Variants in GPCPD1 observed in about 807,000 individuals in gnomAD.
GPCPD1 encodes glycerophosphocholine phosphodiesterase GPCPD1.
In GPCPD1, 29 loss-of-function variants were observed where a neutral mutation model predicts 89.2. That is an observed-to-expected ratio of 0.33 (90% CI 0.24 to 0.44). The LOEUF (loss-of-function observed/expected upper bound fraction) is 0.44. GPCPD1 is among the 20% of genes least tolerant of loss of function. The pLI is 1.00. For synonymous variants in GPCPD1, 258 were observed against 266.3 expected (o/e 0.97, Z 0.30); for missense variants, 594 against 808.9 (o/e 0.73, Z 3.22).
intron 15 of GPCPD1, among the ~76,000 whole-genome samples, chr20:5,563,063 A>C (rs1012275493): frequency 1.3e-5 from 2 of 151,574 alleles, no homozygotes; most frequent in African/African-American, 4.9e-5. Context: ...GCTCACTGCA[A>C]GCTCCGCCTC....
Position 5,586,264 on chromosome 20 carries a change from GA to G in GPCPD1, c.236del (p.Ile79ThrfsTer7). 6.4e-7 allele frequency: 1 copy of G among 1,571,186 alleles called. No homozygotes were observed. On this transcript the variant is annotated frameshift_variant, in exon 5 of 20. Transcript: ENST00000379019. LOFTEE classifies it high-confidence loss of function. ...FKGYFLEPKT[I>X]GGPCQVIVHK... is the part of the protein sequence containing the mutation. ...GAACTATCACTTGACATGGACCACC[GA>G]TAGTCTGCAATTTAAAAGTTAAACG...
At chr20:5,604,240 AC>A in intron 2 of GPCPD1, 123 bp downstream of exon 2, 1 of 629,734 alleles carries the variant, frequency 1.6e-6, no homozygotes, top group Middle Eastern at 3.2e-4. Flanking sequence ...GTCAGGCAAG[AC>A]CTATAGATAT....
chr20:5,575,659 G>GAA, intron 9 of GPCPD1, 114 bp from the exon 10 acceptor site: 5 of 853,560 alleles, frequency 5.9e-6, no homozygotes, highest in Admixed American at 5.2e-5. Flanking sequence ...CTGTCAAACG[G>GAA]AAAAAAAAAC....
intron 3 of GPCPD1, among the ~76,000 whole-genome samples, chr20:5,594,837 G>A (rs1462516194): frequency 2.0e-5 from 3 of 152,166 alleles, no homozygotes; most frequent in Admixed American, 1.3e-4. Flanking sequence ...AACTTGAGTC[G>A]AGCAAGTCTA....
intron 6 of GPCPD1, among the ~76,000 whole-genome samples, chr20:5,582,219 A>AAC (rs1978583444): frequency 7.0e-6 from 1 of 142,518 alleles, no homozygotes; most frequent in African/African-American, 2.5e-5. Context: ...AAAAAAAAAA[A>AAC]CTACTACTCC....
rs1041033334 is a variant in GPCPD1, at chr20:5,564,199, G to A, written c.1329+818C>T. On this transcript the variant is annotated intron_variant, in intron 15 of 19. Transcript: ENST00000379019. ...TTTAAGTCTTCATGCTAGTTTTTGT[G>A]TGAAGATCTATTTTTTCAGAGTGAA... Among the ~76,000 whole-genome samples the A allele has an allele frequency of 1.3e-4, 19 of 151,894 alleles. 1 individual carries two copies. Among genetic ancestry groups the A allele is most frequent in the African/African-American group, 4.4e-4 (18 of 41,330 alleles).
intron 11 of GPCPD1, among the ~76,000 whole-genome samples, chr20:5,572,372 A>C (rs778832836): frequency 9.9e-5 from 15 of 152,242 alleles, no homozygotes; most frequent in Non-Finnish European, 2.2e-4. Context: ...TGATCAATTC[A>C]AGATGTCATG....
chr20:5,595,968 TAGG>T (rs1979694992), intron 3 of GPCPD1, among the ~76,000 whole-genome samples: 1 of 152,190 alleles, frequency 6.6e-6, no homozygotes, highest in Non-Finnish European at 1.5e-5. Flanking sequence ...GAGCAGGATC[TAGG>T]TATGTGTATT....
chr20:5,566,255 T>C (rs1175086332), intron 14 of GPCPD1, among the ~76,000 whole-genome samples: 1 of 152,212 alleles, frequency 6.6e-6, no homozygotes, highest in East Asian at 1.9e-4. Context: ...AGACAGGACA[T>C]ATATGAAAAT....
intron 19 of GPCPD1, among the ~76,000 whole-genome samples, chr20:5,551,486 T>A (rs1476385567): frequency 6.6e-6 from 1 of 152,136 alleles, no homozygotes; most frequent in East Asian, 1.9e-4. Flanking sequence ...TGTTCCTAAA[T>A]AGCAGTCTAA....
At chr20:5,574,529 G>A (rs927476762) in intron 10 of GPCPD1, among the ~76,000 whole-genome samples, 3 of 152,176 alleles carry the variant, frequency 2.0e-5, no homozygotes, top group African/African-American at 7.2e-5. Context: ...GAGCTCAGGA[G>A]TTCAAGACTG....
intron 6 of GPCPD1, 57 bp from the exon 7 acceptor site, chr20:5,580,188 A>G: frequency 2.2e-6 from 2 of 902,484 alleles, no homozygotes; most frequent in Non-Finnish European, 3.5e-6. Context: ...TAAACAACAC[A>G]ATAAGTACCT....
chr20:5,587,932 C>T (rs548305800), intron 4 of GPCPD1, among the ~76,000 whole-genome samples: 40 of 152,212 alleles, frequency 2.6e-4, no homozygotes, highest in African/African-American at 8.9e-4. Context: ...TAAAATAGCA[C>T]GATATATTTC....
chr20:5,577,907 C>T (rs1314068403), intron 8 of GPCPD1, among the ~76,000 whole-genome samples: 1 of 152,208 alleles, frequency 6.6e-6, no homozygotes, highest in East Asian at 1.9e-4. Context: ...TGTCAATAAC[C>T]TGGCACAAGC....
intron 7 of GPCPD1, 76 bp downstream of exon 7, chr20:5,579,932 C>T: frequency 1.1e-6 from 1 of 912,566 alleles, no homozygotes; most frequent in South Asian, 1.6e-5. Context: ...CACTTAAAGG[C>T]TAAAACCAAT....
chr20:5,580,886 T>A (rs1978428342), intron 6 of GPCPD1, among the ~76,000 whole-genome samples: 1 of 151,828 alleles, frequency 6.6e-6, no homozygotes, highest in Non-Finnish European at 1.5e-5. Flanking sequence ...CATTTTTTTT[T>A]TTTTTGAGAT....
chr20:5,564,813 C>T (rs1986290749), intron 15 of GPCPD1, among the ~76,000 whole-genome samples: 1 of 152,058 alleles, frequency 6.6e-6, no homozygotes, highest in African/African-American at 2.4e-5. Context: ...TGCACTCAGC[C>T]TAGATGTCAA....
At chr20:5,582,020 TA>T (rs1365707758) in intron 6 of GPCPD1, among the ~76,000 whole-genome samples, 3 of 146,224 alleles carry the variant, frequency 2.1e-5, no homozygotes, top group Non-Finnish European at 4.5e-5. Context: ...CCGTCTCTAC[TA>T]AAAATACAAA....
chr20:5,604,059 G>C (rs774547633), intron 2 of GPCPD1, among the ~76,000 whole-genome samples: 1 of 152,098 alleles, frequency 6.6e-6, no homozygotes, highest in Non-Finnish European at 1.5e-5. Flanking sequence ...CCAACTTCTT[G>C]CACTAGCAAA....
Sources: gnomAD v4.1 joint callset for allele counts (sites outside exome capture counted in the v4.1 genomes callset) on GRCh38, gnomAD v4.1.1 for gene constraint, MANE v1.5 for transcripts, NCBI Gene and HGNC (gene_info 2026-07-23, HGNC 2026-07-21) for gene names.